Variants in APOC1 observed in about 807,000 individuals in gnomAD.
APOC1 encodes apolipoprotein C1.
APOC1 carries 4 observed loss-of-function variants against 6.7 expected under a neutral mutation model. The ratio of observed to expected loss-of-function variants is 0.60; its 90% CI spans 0.29 to 1.37. The LOEUF (loss-of-function observed/expected upper bound fraction) is 1.37, where lower values mean the gene tolerates loss of function less well. Ranked by LOEUF, APOC1 falls within the 40% of genes most tolerant of loss-of-function variation. APOC1 has a pLI of 0.09. For synonymous variants in APOC1, 33 were observed against 40.6 expected (o/e 0.81, Z 0.72); for missense variants, 122 against 99.4 (o/e 1.23, Z -0.97).
At chr19:44,914,530 A>C, upstream of APOC1, 1 of 253,758 alleles carries the variant, frequency 3.9e-6, no homozygotes, top group East Asian at 8.8e-5. Context: ...GGCTAAGGGA[A>C]GTGCCCGGGA....
chr19:44,918,008 C>T (rs1160940491), intron 3 of APOC1, among the ~76,000 whole-genome samples: 2 of 151,762 alleles, frequency 1.3e-5, no homozygotes, highest in East Asian at 2.0e-4. Context: ...CGGTGGCTCA[C>T]GCCAGTAATC....
At chr19:44,919,027 C>G in intron 3 of APOC1, 146 bp from the exon 4 acceptor site, 1 of 751,236 alleles carries the variant, frequency 1.3e-6, no homozygotes. Flanking sequence ...AGTTGGCCCA[C>G]CCAGCCCAGC....
At chr19:44,915,315 CT>C (rs898326230) in intron 2 of APOC1, 1,385 of 132,366 alleles carry the variant, frequency 0.01, 9 homozygotes, top group African/African-American at 0.022. Context: ...CCTCCCCATT[CT>C]TTTTTTTTTT....
At position 44,914,657 on chromosome 19, in the gene APOC1, C is replaced by G. The variant is rs982704152; in HGVS notation, c.-97C>G. 1.8e-6 allele frequency: 1 copy of G among 553,200 alleles called. No individual in the cohort carries two copies. Among genetic ancestry groups the G allele is most frequent in the East Asian group, 3.0e-5 (1 of 33,006 alleles). 34.3% of individuals were successfully genotyped at this position (553,200 alleles called of 1,614,324 possible). A position where few individuals can be genotyped will look rare whatever the true frequency, so the allele number is the denominator to read the frequency against. ...GGAGGGAGATCAACATCAACCTGCCCCGCCCCCTCCCCAGCCTGATAAAGG... is the reference window on the plus strand; with the variant it reads ...GGAGGGAGATCAACATCAACCTGCCGCGCCCCCTCCCCAGCCTGATAAAGG... On this transcript the variant is annotated 5_prime_UTR_variant, in exon 1 of 4. Transcript: ENST00000592535.
intron 3 of APOC1, 106 bp downstream of exon 3, chr19:44,916,431 G>A: frequency 6.9e-7 from 1 of 1,454,574 alleles, no homozygotes; most frequent in Non-Finnish European, 9.3e-7. Context: ...GTCCTGGAGA[G>A]GCTGACAACA....
intron 3 of APOC1, among the ~76,000 whole-genome samples, chr19:44,916,982 A>T (rs969301046): frequency 4.6e-5 from 7 of 151,550 alleles, no homozygotes; most frequent in Admixed American, 4.6e-4. Context: ...AAAAAAAAAA[A>T]AAAGATGGTT....
chr19:44,915,008 A>G (rs1969978324), intron 2 of APOC1, 59 bp downstream of exon 2: 1 of 1,514,520 alleles, frequency 6.6e-7, no homozygotes, highest in African/African-American at 1.4e-5. Flanking sequence ...AGGTGGCTAC[A>G]GGCCTGGGGT....
chr19:44,918,337 C>CTTTTTTTTTTTTTTTTTTTTTTTTT (rs1200008263), intron 3 of APOC1, among the ~76,000 whole-genome samples: 1 of 90,332 alleles, frequency 1.1e-5, no homozygotes, highest in Admixed American at 1.5e-4. Flanking sequence ...TGAAGTGTTT[C>CTTTTTTTTTTTTTTTTTTTTTTTTT]TTTTTTTTTT....
In APOC1 at chr19:44,919,212, A is replaced by G. The variant is rs1234841659; in HGVS notation, c.234A>G (p.Lys78=). ...AGACATTTCAGAAAGTGAAGGAGAA[A>G]CTCAAGATTGACTCATGAGGACCTG... ...FSETFQKVKE[K]LKIDS is the part of the protein sequence containing the mutation. Residue 78 remains lysine (K), a synonymous_variant, in exon 4 of 4, where the codon AAA becomes AAG. Coordinates refer to ENST00000592535, the MANE Select transcript of APOC1 (RefSeq NM_001645.5). The G allele has an allele frequency of 1.2e-6, 2 of 1,613,828 alleles. No homozygotes were observed. Among genetic ancestry groups the G allele is most frequent in the Non-Finnish European group, 1.7e-6 (2 of 1,179,836 alleles).
Position 44,914,636 on chromosome 19 carries a change from G to A in APOC1, c.-118G>A. The A allele has an allele frequency of 1.9e-6, 1 of 525,558 alleles. No homozygotes were observed. The highest frequency in any genetic ancestry group is 3.4e-6 in the Non-Finnish European group (1 of 289,916). 32.6% of individuals were successfully genotyped at this position (525,558 alleles called of 1,614,324 possible). ...CGGTCAGGGGAAGGCTCAGGAGGAGGGAGATCAACATCAACCTGCCCCGCC... is the reference window on the plus strand; with the variant it reads ...CGGTCAGGGGAAGGCTCAGGAGGAGAGAGATCAACATCAACCTGCCCCGCC... On this transcript the variant is annotated 5_prime_UTR_variant, in exon 1 of 4. Transcript: ENST00000592535.
Position 44,919,223 on chromosome 19 carries a change from A to G in APOC1, c.245A>G (p.Asp82Gly). 1 of 1,613,726 alleles carries G rather than the reference A, an allele frequency of 6.2e-7. No homozygotes were observed. Among genetic ancestry groups the G allele is most frequent in the Non-Finnish European group, 8.5e-7 (1 of 1,179,798 alleles). ...FQKVKEKLKI[D>G]S ...AAAGTGAAGGAGAAACTCAAGATTGACTCATGAGGACCTGAAGGGTGACAT... is the reference window on the plus strand; with the variant it reads ...AAAGTGAAGGAGAAACTCAAGATTGGCTCATGAGGACCTGAAGGGTGACAT... Residue 82 changes from aspartate (D) to glycine (G), a missense_variant, in exon 4 of 4, where the codon GAC becomes GGC. Asp to Gly is a moderately conservative substitution (Grantham distance 94, BLOSUM62 -1). Coordinates refer to ENST00000592535, the MANE Select transcript of APOC1 (RefSeq NM_001645.5).
chr19:44,916,821 A>AC (rs1284557668), intron 3 of APOC1, among the ~76,000 whole-genome samples: 8 of 139,780 alleles, frequency 5.7e-5, no homozygotes, highest in African/African-American at 1.8e-4. Context: ...AAAAAAAAAA[A>AC]AAAAAAAAAA....
chr19:44,917,486 G>A (rs1441874835), intron 3 of APOC1, among the ~76,000 whole-genome samples: 1 of 152,158 alleles, frequency 6.6e-6, no homozygotes. Flanking sequence ...GCTGAGGCGA[G>A]AGGATTGCTT....
rs1371178156 is a variant in APOC1 at position 44,917,748 on chromosome 19, G to A, written c.194+1423G>A. On this transcript the variant is annotated intron_variant, in intron 3 of 3. Coordinates refer to ENST00000592535, the MANE Select transcript of APOC1 (RefSeq NM_001645.5). ...AATCCCAGCACTTTGGGAGGCCAAGGCAAGCAGATCACCTGAGGTCAGGAG... is the reference window on the plus strand; with the variant it reads ...AATCCCAGCACTTTGGGAGGCCAAGACAAGCAGATCACCTGAGGTCAGGAG... Among the ~76,000 whole-genome samples the A allele has an allele frequency of 2.0e-5, 3 of 152,052 alleles. No homozygotes were observed. The South Asian group carries it at 6.2e-4, about 32-fold the overall frequency.
chr19:44,918,633 TC>T lies in APOC1; in HGVS notation c.195-537del, dbSNP rs200424789. The stretch of plus-strand genomic sequence containing the variant: ...ACCTGGTGATCCACCCGCCTCGGCC[TC>T]CCAAAGTGCTGGGATTACAGGCGTG... On this transcript the variant is annotated intron_variant, in intron 3 of 3. Coordinates refer to ENST00000592535, the MANE Select transcript of APOC1 (RefSeq NM_001645.5). Among the ~76,000 whole-genome samples the T allele has an allele frequency of 9.7e-3, 1,473 of 152,160 alleles. 29 individuals are homozygous for T. The highest frequency in any genetic ancestry group is 0.034 in the African/African-American group (1,403 of 41,510).
chr19:44,915,034 C>A, intron 2 of APOC1, 85 bp downstream of exon 2: 1 of 1,422,694 alleles, frequency 7.0e-7, no homozygotes, highest in Non-Finnish European at 9.8e-7. Context: ...CTTAGAGGAC[C>A]TCTGAGAGCT....
intron 3 of APOC1, among the ~76,000 whole-genome samples, chr19:44,918,664 A>C (rs1970050518): frequency 6.6e-6 from 1 of 151,766 alleles, no homozygotes; most frequent in Non-Finnish European, 1.5e-5. Context: ...GGCGTGAGCC[A>C]CGGCGCCCGG....
At chr19:44,915,302 A>T (rs2122155213) in intron 2 of APOC1, 5 of 181,458 alleles carry the variant, frequency 2.8e-5, no homozygotes, top group South Asian at 1.5e-4. Flanking sequence ...TCACTCCAGT[A>T]TTCCTCCCCA....
At chr19:44,919,113 A>G in intron 3 of APOC1, 60 bp from the exon 4 acceptor site, 1 of 1,455,386 alleles carries the variant, frequency 6.9e-7, no homozygotes, top group South Asian at 1.1e-5. Flanking sequence ...AGCAGGCAGA[A>G]TTTGGACAGC....
Sources: allele counts gnomAD v4.1 joint callset (sites outside exome capture counted in the v4.1 genomes callset), GRCh38; gene constraint gnomAD v4.1.1; transcripts MANE v1.5; gene names NCBI Gene and HGNC (gene_info 2026-07-23, HGNC 2026-07-21).